GARRE1: variants seen among roughly 807,000 people sequenced by gnomAD.
GARRE1 encodes granule associated Rac and RHOG effector 1, also known as granule associated Rac and RHOG effector protein 1.
GARRE1 carries 49 observed loss-of-function variants against 103.2 expected under a neutral mutation model. The ratio of observed to expected loss-of-function variants is 0.47; its 90% CI spans 0.38 to 0.60. The LOEUF is 0.60. GARRE1 is among the 20% of genes least tolerant of loss of function. The pLI is 0.00. For synonymous variants in GARRE1, 505 were observed against 532.8 expected, an observed-to-expected ratio of 0.95 and a Z score of 0.72; for missense variants, 1,199 against 1,370.5, an observed-to-expected ratio of 0.87 and a Z score of 1.98.
intron 10 of GARRE1, among the ~76,000 whole-genome samples, chr19:34,347,570 C>A (rs775800513): frequency 6.6e-6 from 1 of 152,170 alleles, no homozygotes; most frequent in Non-Finnish European, 1.5e-5. Context: ...TCTTTAAAAT[C>A]TAGTCGTAGG....
chr19:34,316,182 G>A (rs1568304528), intron 2 of GARRE1, among the ~76,000 whole-genome samples: 2 of 152,134 alleles, frequency 1.3e-5, no homozygotes, highest in East Asian at 1.9e-4. Context: ...CCGTAAAATG[G>A]GTGAATTGCT....
At chr19:34,275,637 T>A (rs926176352) in intron 1 of GARRE1, among the ~76,000 whole-genome samples, 2 of 152,226 alleles carry the variant, frequency 1.3e-5, no homozygotes, top group African/African-American at 4.8e-5. Flanking sequence ...TGATAGACAT[T>A]TGAGTTGTTT....
Position 34,328,050 on chromosome 19 carries a change from A to T in GARRE1, c.1003A>T (p.Met335Leu), listed in dbSNP as rs146550609. ...TGRRQTPPQP[M>L]QCELPTVPVQ... ...GCGGAGGCAGACACCCCCGCAGCCC[A>T]TGCAGTGTGAGCTCCCCACCGTCCC... The change falls in exon 6 of 14, where the codon ATG becomes TTG. Residue 335 changes from methionine (M) to leucine (L), a missense_variant. Transcript: ENST00000299505. The T allele has an allele frequency of 1.9e-6, 3 of 1,614,020 alleles. No individual in the cohort carries two copies. The highest frequency in any genetic ancestry group is 2.5e-6 in the Non-Finnish European group (3 of 1,180,036).
intron 11 of GARRE1, 171 bp from the exon 12 acceptor site, chr19:34,348,845 T>TA: frequency 2.9e-6 from 2 of 691,160 alleles, no homozygotes; most frequent in South Asian, 3.7e-5. Context: ...GAATATGTAT[T>TA]ACTTTTGAAA....
chr19:34,341,692 A>G lies in GARRE1; in HGVS notation c.1758A>G (p.Thr586=). 1 of 1,614,210 alleles carries G rather than the reference A, an allele frequency of 6.2e-7. No homozygotes were observed. Among genetic ancestry groups the G allele is most frequent in the South Asian group, 1.1e-5 (1 of 91,088 alleles). The change falls in exon 10 of 14, where the codon ACA becomes ACG. Residue 586 remains threonine (T), a synonymous_variant. Transcript: ENST00000299505. ...EKAKMPGNID[T]RLQSILNIGN... ...CCAAAATGCCTGGCAATATTGATAC[A>G]AGGTTACAAAGCATTTTGAACATTG...
At chr19:34,347,465 G>C (rs12165124) in intron 10 of GARRE1, among the ~76,000 whole-genome samples, 2,907 of 152,272 alleles carry the variant, frequency 0.019, 100 homozygotes, top group African/African-American at 0.066. Context: ...GGGCTCAAGC[G>C]ATCTGCCCAC....
chr19:34,258,635 A>T (rs1223311115), intron 1 of GARRE1, among the ~76,000 whole-genome samples: 1 of 151,948 alleles, frequency 6.6e-6, no homozygotes, highest in African/African-American at 2.4e-5. Context: ...AAAAAATATT[A>T]AAAAATTAGC....
intron 2 of GARRE1, among the ~76,000 whole-genome samples, chr19:34,307,711 A>G (rs1035522885): frequency 7.9e-4 from 107 of 134,610 alleles, no homozygotes; most frequent in African/African-American, 2.8e-3. Flanking sequence ...ATATACTTAT[A>G]TATATACTAT....
Position 34,259,546 on chromosome 19 carries a change from T to G in GARRE1, c.-796+4932T>G, listed in dbSNP as rs2073701227. Reference sequence around the variant, plus strand: ...ATTGTCATAAAGTATTATAAGTGCCTAGAAGGGGAGTCACCAAGTAACCTC... The same window carrying G: ...ATTGTCATAAAGTATTATAAGTGCCGAGAAGGGGAGTCACCAAGTAACCTC... On this transcript the variant is annotated intron_variant, in intron 1 of 13. Transcript: ENST00000299505. Among the ~76,000 whole-genome samples the G allele has an allele frequency of 3.9e-5, 6 of 152,316 alleles. No individual in the cohort carries two copies. In the South Asian group the frequency reaches 1.2e-3, roughly 32 times the overall value.
At chr19:34,341,387 CT>C (rs76355025) in intron 9 of GARRE1, 34 bp from the exon 10 acceptor site, 59,144 of 890,898 alleles carry the variant, frequency 0.066, no homozygotes, top group Non-Finnish European at 0.073. Flanking sequence ...ATATATTTGT[CT>C]TTTTTTTTTT....
chr19:34,316,502 C>G (rs2074061165), intron 2 of GARRE1, among the ~76,000 whole-genome samples: 2 of 152,166 alleles, frequency 1.3e-5, no homozygotes, highest in South Asian at 2.1e-4. Flanking sequence ...GGGTCTGTTT[C>G]AGGAGAGGAG....
intron 8 of GARRE1, among the ~76,000 whole-genome samples, chr19:34,338,205 A>G (rs1425720316): frequency 3.3e-5 from 5 of 152,166 alleles, no homozygotes; most frequent in African/African-American, 1.2e-4. Flanking sequence ...TCATCTTCCT[A>G]GTAGACCTAT....
At chr19:34,316,478 G>A (rs2074061056) in intron 2 of GARRE1, among the ~76,000 whole-genome samples, 1 of 152,160 alleles carries the variant, frequency 6.6e-6, no homozygotes, top group Non-Finnish European at 1.5e-5. Context: ...CTCATTCCTG[G>A]GTCAAGGAGA....
At chr19:34,285,347 C>G (rs2073879931) in intron 1 of GARRE1, 1 of 152,102 alleles carries the variant, frequency 6.6e-6, no homozygotes, top group Non-Finnish European at 1.5e-5. Flanking sequence ...CTCGGGCAGG[C>G]ATGATGGCTC....
intron 2 of GARRE1, among the ~76,000 whole-genome samples, chr19:34,317,470 A>G (rs1301963725): frequency 6.6e-6 from 1 of 152,202 alleles, no homozygotes; most frequent in Admixed American, 6.5e-5. Context: ...GTGCTGAGGA[A>G]GGAGTGGGAG....
intron 1 of GARRE1, chr19:34,296,537 G>C: frequency 1.9e-6 from 3 of 1,595,274 alleles, no homozygotes; most frequent in Non-Finnish European, 2.5e-6. Context: ...TGATAGCCTC[G>C]GCACGTGCAC....
chr19:34,285,600 G>A (rs776677804), intron 1 of GARRE1, among the ~76,000 whole-genome samples: 10 of 152,120 alleles, frequency 6.6e-5, no homozygotes, highest in Admixed American at 1.3e-4. Context: ...TCCAGCCTGG[G>A]CAACAGAGTG....
chr19:34,277,991 T>C (rs1429653883), intron 1 of GARRE1, among the ~76,000 whole-genome samples: 1 of 144,426 alleles, frequency 6.9e-6, no homozygotes, highest in Non-Finnish European at 1.5e-5. Context: ...TTTTTCTTAA[T>C]ATCATTATTG....
At chr19:34,279,258 A>G (rs529051071) in intron 1 of GARRE1, among the ~76,000 whole-genome samples, 2 of 152,270 alleles carry the variant, frequency 1.3e-5, no homozygotes, top group African/African-American at 4.8e-5. Flanking sequence ...CCCACTAGCA[A>G]TACACAAGGC....
Sources: allele counts gnomAD v4.1 joint callset (sites outside exome capture counted in the v4.1 genomes callset), GRCh38; gene constraint gnomAD v4.1.1; transcripts MANE v1.5; gene names NCBI Gene and HGNC (gene_info 2026-07-23, HGNC 2026-07-21).